Variants in TJP3 observed in about 807,000 individuals in gnomAD.
The protein encoded by TJP3 is tight junction protein 3, also known as tight junction protein ZO-3.
TJP3 carries 85 observed loss-of-function variants against 104.2 expected under a neutral mutation model. The ratio of observed to expected loss-of-function variants is 0.82; its 90% CI spans 0.68 to 0.98. The LOEUF (loss-of-function observed/expected upper bound fraction) is 0.98. TJP3 is among the 50% of genes least tolerant of loss of function. The pLI is 0.00. For synonymous variants in TJP3, 550 were observed against 550.6 expected (o/e 1.00, Z 0.02); for missense variants, 1,367 against 1,322.8 (o/e 1.03, Z -0.52).
intron 1 of TJP3, 82 bp from the exon 2 acceptor site, chr19:3,728,342 C>T (rs1193285214): frequency 3.1e-6 from 5 of 1,609,460 alleles, no homozygotes; most frequent in Non-Finnish European, 4.2e-6. Flanking sequence ...GAGCTGGACT[C>T]CCCACCCTGA....
At position 3,735,944 on chromosome 19, in the gene TJP3, C is replaced by A; in HGVS notation, c.1127+9C>A. 6.2e-7 allele frequency: 1 copy of A among 1,614,050 alleles called. No homozygotes were observed. Among genetic ancestry groups the A allele is most frequent in the Non-Finnish European group, 8.5e-7 (1 of 1,179,990 alleles). On this transcript the variant is annotated intron_variant, in intron 10 of 20. Coordinates refer to ENST00000541714, the MANE Select transcript of TJP3 (RefSeq NM_001267560.2). ...AGCATGGAGGATCGTGGGTATGTAC[C>A]CCAGAAGAAAGCAAACCCGCTCAAA...
intron 5 of TJP3, among the ~76,000 whole-genome samples, chr19:3,731,291 G>A (rs1199659209): frequency 6.6e-6 from 1 of 152,174 alleles, no homozygotes; most frequent in Non-Finnish European, 1.5e-5. Context: ...GAGCTCAGAG[G>A]TGATCCTGGA....
chr19:3,737,370 C>T (rs1161712778), intron 11 of TJP3, among the ~76,000 whole-genome samples: 1 of 152,046 alleles, frequency 6.6e-6, no homozygotes, highest in African/African-American at 2.4e-5. Flanking sequence ...TCATGACCGT[C>T]TTGTATGTCC....
chr19:3,738,514 G>A (rs760001686), intron 11 of TJP3, 41 bp from the exon 12 acceptor site: 4 of 1,565,128 alleles, frequency 2.6e-6, no homozygotes, highest in South Asian at 1.1e-5. Flanking sequence ...CGCCCAAGAG[G>A]TACCAGAGCT....
chr19:3,746,313 T>C lies in TJP3; in HGVS notation c.2011-172T>C, dbSNP rs1485448842. On this transcript the variant is annotated intron_variant, in intron 16 of 20. Coordinates refer to ENST00000541714, the MANE Select transcript of TJP3 (RefSeq NM_001267560.2). The surrounding 1 kb of genome is among the most constrained non-coding windows in gnomAD (Gnocchi z 4.1). Reference sequence around the variant, plus strand: ...AGAGAGACTCAAGTTGAGGTTTTGATGCCCAAGATGCTGCGACCTGGGCTG... The same window carrying C: ...AGAGAGACTCAAGTTGAGGTTTTGACGCCCAAGATGCTGCGACCTGGGCTG... Among the ~76,000 whole-genome samples the C allele has an allele frequency of 1.3e-5, 2 of 152,114 alleles. No individual in the cohort carries two copies. Among genetic ancestry groups the C allele is most frequent in the East Asian group, 3.9e-4 (2 of 5,184 alleles).
At chr19:3,731,443 A>G (rs1328784449) in intron 5 of TJP3, among the ~76,000 whole-genome samples, 1 of 151,946 alleles carries the variant, frequency 6.6e-6, no homozygotes, top group Non-Finnish European at 1.5e-5. Flanking sequence ...GACCAGCCTG[A>G]CCACTATGAT....
intron 15 of TJP3, 48 bp from the exon 16 acceptor site, chr19:3,745,963 G>A (rs753134030): frequency 2.6e-6 from 4 of 1,509,596 alleles, no homozygotes; most frequent in Non-Finnish European, 2.7e-6. Context: ...AATTTGAGGG[G>A]ACGGGGGCTG....
intron 1 of TJP3, among the ~76,000 whole-genome samples, chr19:3,714,188 T>G (rs1228112488): frequency 6.6e-6 from 1 of 152,088 alleles, no homozygotes; most frequent in African/African-American, 2.4e-5. Flanking sequence ...TAGCAGGGAT[T>G]ACAGCAGCCC....
chr19:3,750,205 A>ATT, intron 20 of TJP3, 21 bp downstream of exon 20: 1 of 1,556,382 alleles, frequency 6.4e-7, no homozygotes, highest in Non-Finnish European at 8.7e-7. Context: ...CATATTCCAG[A>ATT]TTGGGGCCCT....
At chr19:3,735,055 A>G (rs1233116612) in intron 8 of TJP3, among the ~76,000 whole-genome samples, 2 of 151,952 alleles carry the variant, frequency 1.3e-5, no homozygotes, top group Non-Finnish European at 2.9e-5. Context: ...TGGGGTCTGT[A>G]TTGCCCAGCT....
chr19:3,740,423 C>A, intron 13 of TJP3, 129 bp from the exon 14 acceptor site: 1 of 433,540 alleles, frequency 2.3e-6, no homozygotes, highest in Non-Finnish European at 3.9e-6. Flanking sequence ...TAATAATAAT[C>A]CCATCTGCAG....
chr19:3,722,014 TACATA>T, intron 1 of TJP3: 1 of 591,482 alleles, frequency 1.7e-6, no homozygotes, highest in Non-Finnish European at 2.5e-6. Context: ...AACGCCTACC[TACATA>T]ACAGGCAGGG....
At chr19:3,738,253 G>C (rs1438077180) in intron 11 of TJP3, among the ~76,000 whole-genome samples, 5 of 152,194 alleles carry the variant, frequency 3.3e-5, no homozygotes, top group African/African-American at 1.2e-4. Context: ...CATGACCTCT[G>C]TTCCCATGTT....
chr19:3,715,118 C>T lies in TJP3; in HGVS notation c.-10+6557C>T, dbSNP rs139839811. On this transcript the variant is annotated intron_variant, in intron 1 of 20. Transcript: ENST00000541714. ...GTTTTTTTTTTTTTTGAGATGGAGT[C>T]TCGCTCTGTCGCCCAGGCTGGAGCG... Among the ~76,000 whole-genome samples the T allele has an allele frequency of 4.2e-5, 6 of 143,452 alleles. No homozygotes were observed. In the East Asian group the frequency reaches 1.0e-3, roughly 24 times the overall value. The allele number at this position is 143,452 out of a possible 152,430, so 94.1% of individuals were successfully genotyped here.
rs1421727306 is a variant in TJP3 at position 3,717,058 on chromosome 19, C to T, written c.-10+8497C>T. ...TCGGCTCACTGCAACCTCCGCCTCC[C>T]GGGCTCAAGCAATTCTCTTGCCTCA... On this transcript the variant is annotated intron_variant, in intron 1 of 20. Coordinates refer to ENST00000541714, the MANE Select transcript of TJP3 (RefSeq NM_001267560.2). Among the ~76,000 whole-genome samples the T allele has an allele frequency of 1.0e-4, 15 of 145,362 alleles. 3 individuals carry two copies. The highest frequency in any genetic ancestry group is 2.4e-4 in the South Asian group (1 of 4,238).
rs1453392570 is a variant in TJP3, at chr19:3,709,734, C to T, written c.-10+1173C>T. On this transcript the variant is annotated intron_variant, in intron 1 of 20. Transcript: ENST00000541714. ...CAGGCTTGCTTGAGATTCGGGAGTC[C>T]GTGGGGGTGGGCGACATGGATCCCA... 6.6e-5 allele frequency among the ~76,000 whole-genome samples: 10 copies of T among 152,152 alleles called. 1 individual carries two copies. The highest frequency in any genetic ancestry group is 1.4e-4 in the African/African-American group (6 of 41,520).
chr19:3,730,478 G>C lies in TJP3; in HGVS notation c.385G>C (p.Gly129Arg). The C allele has an allele frequency of 6.3e-7, 1 of 1,583,296 alleles. No homozygotes were observed. Among genetic ancestry groups the C allele is most frequent in the Non-Finnish European group, 8.6e-7 (1 of 1,165,358 alleles). The change falls in exon 5 of 21, where the codon GGC becomes CGC. Residue 129 changes from glycine to arginine, a missense_variant. By Grantham distance (125) the Gly-to-Arg change is moderately radical. Transcript: ENST00000541714. The surrounding 1 kb of genome is among the most constrained non-coding windows in gnomAD (Gnocchi z 7.3). ...GGTGGAGGAGGTGGACCAGGGCCGG[G>C]GCTATGACGGCGACTCATCCAGTGG... is the stretch of plus-strand genomic sequence containing the variant. Reference protein sequence around the residue: ...QRVEEVDQGRGYDGDSSSGSG... With the variant: ...QRVEEVDQGRRYDGDSSSGSG...
At chr19:3,743,368 CTG>C (rs1387302578) in intron 14 of TJP3, among the ~76,000 whole-genome samples, 2 of 152,322 alleles carry the variant, frequency 1.3e-5, no homozygotes, top group Non-Finnish European at 2.9e-5. Flanking sequence ...GCTTCTGTGA[CTG>C]TTTCTTCAGT....
chr19:3,726,435 T>C (rs2036596336), intron 1 of TJP3, among the ~76,000 whole-genome samples: 2 of 152,062 alleles, frequency 1.3e-5, no homozygotes, highest in Non-Finnish European at 2.9e-5. Context: ...CCCGTCTCTA[T>C]TAAAAATACA....
Sources: gnomAD v4.1 joint callset for allele counts (sites outside exome capture counted in the v4.1 genomes callset) on GRCh38, gnomAD v4.1.1 for gene constraint, Gnocchi (gnomAD v3.1) non-coding constraint, MANE v1.5 for transcripts, NCBI Gene and HGNC (gene_info 2026-07-23, HGNC 2026-07-21) for gene names.